The following RUFY4 variants were observed in gnomAD, a reference collection of about 807,000 sequenced individuals.
RUFY4 encodes RUN and FYVE domain containing 4.
Under a neutral mutation model 69.0 loss-of-function variants are expected in RUFY4, and 73 were observed. The observed-to-expected ratio is 1.06, with a 90% CI of 0.88 to 1.29. The LOEUF (loss-of-function observed/expected upper bound fraction) is 1.29, where lower values mean the gene tolerates loss of function less well. Among genes scored for constraint, RUFY4 ranks in the 50% most tolerant of loss-of-function variants. The pLI is 0.00. For missense variants in RUFY4, 770 were observed against 705.6 expected, an observed-to-expected ratio of 1.09 and a Z score of -1.03; for synonymous variants, 287 against 271.8, an observed-to-expected ratio of 1.06 and a Z score of -0.55.
chr2:218,039,130 T>C (rs150090465), intron 2 of RUFY4, among the ~76,000 whole-genome samples: 5 of 152,284 alleles, frequency 3.3e-5, no homozygotes, highest in Admixed American at 1.3e-4. Context: ...TCTTTAAACT[T>C]CCTGTCACTA....
chr2:218,072,487 T>C (rs1244669396), exon 3 of RUFY4: 1 of 1,536,950 alleles, frequency 6.5e-7, no homozygotes, highest in Non-Finnish European at 8.7e-7. Context: ...ACTTTGTCCG[T>C]TCCCAGGACA....
intron 10 of RUFY4, 119 bp from the exon 13 acceptor site, chr2:218,089,833 G>T: frequency 2.6e-6 from 2 of 776,556 alleles, no homozygotes; most frequent in South Asian, 1.5e-5. Context: ...TCCACTGGGA[G>T]ATGAGAAACA....
At chr2:218,086,577 G>T (rs1689898517) in intron 9 of RUFY4, among the ~76,000 whole-genome samples, 2 of 152,188 alleles carry the variant, frequency 1.3e-5, no homozygotes, top group South Asian at 4.1e-4. Context: ...GACAAACCAT[G>T]AATTAAGTGG....
chr2:218,042,409 C>T (rs751657261), intron 2 of RUFY4, among the ~76,000 whole-genome samples: 1 of 152,144 alleles, frequency 6.6e-6, no homozygotes, highest in African/African-American at 2.4e-5. Flanking sequence ...GAAGAGAACT[C>T]AGGGTATGTA....
intron 2 of RUFY4, among the ~76,000 whole-genome samples, chr2:218,048,902 A>G (rs1247241876): frequency 6.6e-6 from 1 of 152,168 alleles, no homozygotes; most frequent in Non-Finnish European, 1.5e-5. Context: ...TTGCTCTGTT[A>G]TCTCTAGTCC....
chr2:218,053,413 A>G (rs1160659185), intron 2 of RUFY4, among the ~76,000 whole-genome samples: 3 of 149,788 alleles, frequency 2.0e-5, no homozygotes, highest in Non-Finnish European at 2.9e-5. Flanking sequence ...TGCCATGAAC[A>G]TGGCTCACTG....
intron 3 of RUFY4, 133 bp downstream of exon 5, chr2:218,072,632 AC>A (rs758921297): frequency 1.4e-4 from 193 of 1,359,074 alleles, no homozygotes; most frequent in Non-Finnish European, 1.8e-4. Context: ...TGCCCACAGC[AC>A]CCCTCCAGAC....
chr2:218,076,294 A>G, intron 7 of RUFY4, 133 bp from the exon 10 acceptor site: 1 of 1,387,320 alleles, frequency 7.2e-7, no homozygotes, highest in Non-Finnish European at 9.5e-7. Flanking sequence ...CAGGCATCAC[A>G]GCTCCCAGCA....
intron 8 of RUFY4, among the ~76,000 whole-genome samples, chr2:218,077,404 G>A (rs143974053): frequency 3.3e-5 from 5 of 152,176 alleles, no homozygotes; most frequent in East Asian, 1.9e-4. Flanking sequence ...TTGTAGAGAC[G>A]AGGTCTCACT....
At chr2:218,064,975 G>A (rs1010779099), upstream of RUFY4, among the ~76,000 whole-genome samples, 7 of 152,112 alleles carry the variant, frequency 4.6e-5, no homozygotes, top group Non-Finnish European at 1.0e-4. Context: ...TAGAACAGAG[G>A]CCAGCCTAAA....
exon 7 of RUFY4, chr2:218,075,221 G>T: frequency 6.4e-7 from 1 of 1,563,276 alleles, no homozygotes; most frequent in Non-Finnish European, 8.7e-7. Flanking sequence ...AGCAACAAAG[G>T]CATCTTCCTT....
At chr2:218,058,311 C>T (rs1051691863) in intron 2 of RUFY4, among the ~76,000 whole-genome samples, 1 of 152,168 alleles carries the variant, frequency 6.6e-6, no homozygotes, top group Admixed American at 6.5e-5. Flanking sequence ...AGCATACATA[C>T]TACAAGTTAA....
exon 7 of RUFY4, chr2:218,075,370 C>T: frequency 1.9e-6 from 3 of 1,613,014 alleles, no homozygotes; most frequent in Non-Finnish European, 1.7e-6. Context: ...AACTCAACAC[C>T]CAGCACCCAG....
chr2:218,073,709 G>A (rs1223113679), intron 5 of RUFY4, 107 bp from the exon 8 acceptor site: 1 of 1,206,118 alleles, frequency 8.3e-7, no homozygotes, highest in Non-Finnish European at 1.2e-6. Flanking sequence ...GAAGGAGGAA[G>A]TGTCATGGGA....
At chr2:218,053,029 AG>A (rs1360455966) in intron 2 of RUFY4, among the ~76,000 whole-genome samples, 1 of 152,136 alleles carries the variant, frequency 6.6e-6, no homozygotes, top group African/African-American at 2.4e-5. Context: ...GCATGATCAC[AG>A]CTCAGTGCAG....
chr2:218,071,350 A>G (rs961577152), intron 2 of RUFY4, among the ~76,000 whole-genome samples: 2 of 151,922 alleles, frequency 1.3e-5, no homozygotes, highest in Non-Finnish European at 2.9e-5. Context: ...CCTGCCACTC[A>G]TCTACTGCAC....
chr2:218,088,315 G>T (rs1689941207), intron 9 of RUFY4, among the ~76,000 whole-genome samples: 1 of 151,898 alleles, frequency 6.6e-6, no homozygotes, highest in Non-Finnish European at 1.5e-5. Context: ...CCCTACAAAA[G>T]ATTAGCCAGG....
Position 218,083,330 on chromosome 2 carries a change from A to G in RUFY4, c.1502+74A>G. On this transcript the variant is annotated intron_variant, in intron 9 of 10. Coordinates refer to ENST00000344321, the Ensembl canonical transcript of RUFY4. ...GGGATGTGGAGCCCGGAGCGTGAAAATTCTACTCCACTCACAACTCCCAAG... is the reference window on the plus strand; with the variant it reads ...GGGATGTGGAGCCCGGAGCGTGAAAGTTCTACTCCACTCACAACTCCCAAG... 2.7e-6 allele frequency: 4 copies of G among 1,506,018 alleles called. No individual in the cohort carries two copies. In the African/African-American group the frequency reaches 4.2e-5, roughly 16 times the overall value. 93.3% of individuals were successfully genotyped at this position (1,506,018 alleles called of 1,614,324 possible).
intron 2 of RUFY4, among the ~76,000 whole-genome samples, chr2:218,035,996 G>A (rs1958971876): frequency 6.6e-6 from 1 of 152,186 alleles, no homozygotes; most frequent in African/African-American, 2.4e-5. Flanking sequence ...CCCTCACGGG[G>A]CTGCTCACAC....
Sources: gnomAD v4.1 joint callset for allele counts (sites outside exome capture counted in the v4.1 genomes callset) on GRCh38, gnomAD v4.1.1 for gene constraint, MANE v1.5 for transcripts, NCBI Gene and HGNC (gene_info 2026-07-23, HGNC 2026-07-21) for gene names.